The following DPP6 variants were observed in gnomAD, a reference collection of about 807,000 sequenced individuals.
DPP6 encodes the protein dipeptidyl peptidase like 6, also known as A-type potassium channel modulatory protein DPP6.
DPP6 carries 69 observed loss-of-function variants against 122.6 expected under a neutral mutation model. The ratio of observed to expected loss-of-function variants is 0.56; its 90% CI spans 0.46 to 0.69. DPP6 has a LOEUF of 0.69. DPP6 is among the 30% of genes least tolerant of loss of function. The pLI is 0.00. For missense variants in DPP6, 928 were observed against 1,116.9 expected (o/e 0.83, Z 2.41); for synonymous variants, 418 against 433.1 (o/e 0.97, Z 0.43).
chr7:154,656,252 G>T (rs1379384450), intron 6 of DPP6, among the ~76,000 whole-genome samples: 1 of 16,494 alleles, frequency 6.1e-5, no homozygotes, highest in African/African-American at 2.1e-4. Context: ...GAGGGAGGTG[G>T]GGGGAGAGCT....
intron 1 of DPP6, among the ~76,000 whole-genome samples, chr7:154,204,182 G>T (rs1354496634): frequency 1.3e-5 from 2 of 152,226 alleles, no homozygotes; most frequent in Non-Finnish European, 2.9e-5. Flanking sequence ...GTCAGGCACA[G>T]AGTGGCATGG....
chr7:154,451,999 A>T (rs188579553), intron 2 of DPP6, among the ~76,000 whole-genome samples: 174 of 152,356 alleles, frequency 1.1e-3, no homozygotes, highest in Non-Finnish European at 1.6e-3. Flanking sequence ...ATAAAATTCC[A>T]TCAGGCAGAG....
intron 7 of DPP6, among the ~76,000 whole-genome samples, chr7:154,696,699 T>A (rs1051583665): frequency 2.6e-5 from 4 of 152,182 alleles, no homozygotes; most frequent in Admixed American, 1.3e-4. Flanking sequence ...CTAATATGGA[T>A]ATCAACATAG....
intron 1 of DPP6, among the ~76,000 whole-genome samples, chr7:154,410,150 A>T (rs1480649711): frequency 6.6e-6 from 1 of 152,242 alleles, no homozygotes; most frequent in Non-Finnish European, 1.5e-5. Context: ...GAGCCTCTTT[A>T]AGGAGAAAAT....
intron 16 of DPP6, among the ~76,000 whole-genome samples, chr7:154,826,281 T>C (rs1238725396): frequency 2.0e-5 from 3 of 152,222 alleles, no homozygotes; most frequent in Non-Finnish European, 2.9e-5. Context: ...GTCTCTGTCT[T>C]CCTATACCAC....
In DPP6 at chr7:154,653,429, ATGAT is replaced by A. The variant is rs536081770; in HGVS notation, c.680+15561_680+15564del. ...TAAATGATAGATAGATGATGGATAGATGATTGATAGGTAGATGGATAGATGACAG... is the reference window on the plus strand; with the variant it reads ...TAAATGATAGATAGATGATGGATAGATGATAGGTAGATGGATAGATGACAG... On this transcript the variant is annotated intron_variant, in intron 6 of 25. Coordinates refer to ENST00000377770, the MANE Select transcript of DPP6 (RefSeq NM_130797.4). Among the ~76,000 whole-genome samples, 65 of 152,336 alleles carry A rather than the reference ATGAT, an allele frequency of 4.3e-4. No individual in the cohort carries two copies. In the Middle Eastern group the frequency reaches 0.01, roughly 24 times the overall value.
At chr7:154,223,312 A>G (rs571846776) in intron 1 of DPP6, among the ~76,000 whole-genome samples, 2 of 149,576 alleles carry the variant, frequency 1.3e-5, no homozygotes, top group Non-Finnish European at 2.9e-5. Flanking sequence ...TCATTCATCC[A>G]TTAACACGTT....
At chr7:153,771,528 C>A in the DPP6 span, among the ~76,000 whole-genome samples, 1 of 151,988 alleles carries the variant, frequency 6.6e-6, no homozygotes, top group South Asian at 2.1e-4. Flanking sequence ...TTAGTAGAGA[C>A]AAGGTTTCAC....
chr7:153,973,367 T>C (rs954175775), intron 1 of DPP6, among the ~76,000 whole-genome samples: 22 of 152,318 alleles, frequency 1.4e-4, no homozygotes, highest in African/African-American at 5.1e-4. Flanking sequence ...TAAGCCGTTG[T>C]CCGACCTGAA....
At chr7:154,354,243 A>G (rs1340237493) in intron 1 of DPP6, among the ~76,000 whole-genome samples, 2 of 152,224 alleles carry the variant, frequency 1.3e-5, no homozygotes, top group South Asian at 2.1e-4. Context: ...CTCTCTTTCT[A>G]TGAGTTCCAC....
chr7:154,623,567 A>ACG (rs1563025231), intron 5 of DPP6, among the ~76,000 whole-genome samples: 1 of 63,254 alleles, frequency 1.6e-5, no homozygotes, highest in Non-Finnish European at 3.9e-5. Flanking sequence ...CGCAACACGC[A>ACG]CACACACACG....
At chr7:154,005,293 C>G (rs1406670814) in intron 1 of DPP6, among the ~76,000 whole-genome samples, 1 of 152,202 alleles carries the variant, frequency 6.6e-6, no homozygotes, top group East Asian at 1.9e-4. Flanking sequence ...GAGAAGTTGG[C>G]TGGTCCTATC....
chr7:154,379,579 C>G (rs1813418047), intron 1 of DPP6, among the ~76,000 whole-genome samples: 1 of 152,074 alleles, frequency 6.6e-6, no homozygotes, highest in African/African-American at 2.4e-5. Context: ...CTTGTCTTTA[C>G]AGAAGAATGC....
intron 6 of DPP6, among the ~76,000 whole-genome samples, chr7:154,653,233 C>T (rs972548873): frequency 2.0e-5 from 3 of 152,196 alleles, no homozygotes; most frequent in Admixed American, 6.5e-5. Context: ...ACATGCCTAA[C>T]GCCCCAACAG....
At chr7:154,238,301 T>C (rs2150867047) in intron 1 of DPP6, among the ~76,000 whole-genome samples, 1 of 152,328 alleles carries the variant, frequency 6.6e-6, no homozygotes, top group East Asian at 1.9e-4. Flanking sequence ...ATACGTACTT[T>C]TCCTGAGGTC....
At chr7:154,884,536 T>TTCACGCACACATGCTCACATGC (rs2150688768) in intron 21 of DPP6, 1 of 143,992 alleles carries the variant, frequency 6.9e-6, no homozygotes, top group East Asian at 2.1e-4. Flanking sequence ...CATTCACATG[T>TTCACGCACACATGCTCACATGC]TCACGCACAC....
intron 23 of DPP6, 133 bp downstream of exon 23, chr7:154,887,867 A>G: frequency 9.5e-7 from 1 of 1,047,380 alleles, no homozygotes; most frequent in Non-Finnish European, 1.5e-6. Context: ...ACCAAAGCCC[A>G]CTCAGAAACC....
chr7:154,525,408 T>C (rs1320630759), intron 3 of DPP6, among the ~76,000 whole-genome samples: 1 of 152,224 alleles, frequency 6.6e-6, no homozygotes, highest in Non-Finnish European at 1.5e-5. Flanking sequence ...TTCTCCTACC[T>C]TGGCCTCCCA....
intron 5 of DPP6, among the ~76,000 whole-genome samples, chr7:154,616,168 C>T (rs1834242054): frequency 2.0e-5 from 3 of 152,228 alleles, no homozygotes; most frequent in Admixed American, 1.3e-4. Flanking sequence ...CTGAAAAGCC[C>T]GCCTACCCAT....
Sources: gnomAD v4.1 joint callset for allele counts (sites outside exome capture counted in the v4.1 genomes callset) on GRCh38, gnomAD v4.1.1 for gene constraint, MANE v1.5 for transcripts, NCBI Gene and HGNC (gene_info 2026-07-23, HGNC 2026-07-21) for gene names.